The following TBC1D24 variants were observed in gnomAD, a reference collection of about 807,000 sequenced individuals.
TBC1D24 encodes the protein TBC1 domain family member 24.
Under a neutral mutation model 50.7 loss-of-function variants are expected in TBC1D24, and 47 were observed. That is an observed-to-expected ratio of 0.93 (90% CI 0.73 to 1.18). TBC1D24 has a LOEUF of 1.18. Among genes scored for constraint, TBC1D24 ranks in the 50% most tolerant of loss-of-function variants. The pLI is 0.00. For synonymous variants in TBC1D24, 324 were observed against 335.2 expected (o/e 0.97, Z 0.36); for missense variants, 688 against 766.5 (o/e 0.90, Z 1.21).
Position 2,485,243 on chromosome 16 carries a change from G to A in TBC1D24, c.-116+10073G>A, listed in dbSNP as rs2065640164. On this transcript the variant is annotated intron_variant, in intron 1 of 7. Coordinates refer to ENST00000646147, the MANE Select transcript of TBC1D24 (RefSeq NM_001199107.2). This position sits in a 1 kb window ranked among gnomAD's most constrained non-coding sequence, Gnocchi z 4.6. The stretch of plus-strand genomic sequence containing the variant: ...CACTGGAAAGACCAAGGCAGGATTA[G>A]CGGGTTAGAACTTTCAGCCCCACCC... The A allele has an allele frequency of 6.6e-6, 1 of 152,194 alleles. No homozygotes were observed. The highest frequency in any genetic ancestry group is 2.4e-5 in the African/African-American group (1 of 41,416). 9.4% of individuals were successfully genotyped at this position (152,194 alleles called of 1,614,324 possible).
chr16:2,500,869 G>A lies in TBC1D24; in HGVS notation c.1591G>A (p.Asp531Asn), dbSNP rs757236821. 34 of 1,612,662 alleles carry A rather than the reference G, an allele frequency of 2.1e-5. No homozygotes were observed. Among genetic ancestry groups the A allele is most frequent in the East Asian group, 1.6e-4 (7 of 44,890 alleles). The change falls in exon 8 of 8, where the codon GAC becomes AAC. Residue 531 changes from aspartate (D) to asparagine (N), a missense_variant. Coordinates refer to ENST00000646147, the MANE Select transcript of TBC1D24 (RefSeq NM_001199107.2). This position sits in a 1 kb window ranked among gnomAD's most constrained non-coding sequence, Gnocchi z 8.0. ...GAACCGGGGCCGCACAAGCCACTGC[G>A]ACACCTTCAACAACCAGCCCCTCTG... ...DLNRGRTSHC[D>N]TFNNQPLCSE...
chr16:2,499,164 G>C lies in TBC1D24; in HGVS notation c.1143-193G>C, dbSNP rs1334724535. Among the ~76,000 whole-genome samples the C allele has an allele frequency of 6.6e-6, 1 of 152,190 alleles. No individual in the cohort carries two copies. On this transcript the variant is annotated intron_variant, in intron 4 of 7. Transcript: ENST00000646147. The surrounding 1 kb of genome is among the most constrained non-coding windows in gnomAD (Gnocchi z 4.0). ...AGGCCTCTCCCCTGAGTCACACCAG[G>C]GCAGGCTGTCCTGGGGATGGCAGAG...
intron 1 of TBC1D24, among the ~76,000 whole-genome samples, chr16:2,493,246 C>A (rs1417635207): frequency 1.3e-5 from 2 of 151,934 alleles, no homozygotes; most frequent in Non-Finnish European, 2.9e-5. Flanking sequence ...TCACGTCATT[C>A]TCCTGCCTCA....
Position 2,499,706 on chromosome 16 carries a change from G to A in TBC1D24, c.1207-129G>A, listed in dbSNP as rs1035589087. 16 of 871,042 alleles carry A rather than the reference G, an allele frequency of 1.8e-5. No homozygotes were observed. Among genetic ancestry groups the A allele is most frequent in the African/African-American group, 1.8e-4 (11 of 60,642 alleles). The allele number at this position is 871,042 out of a possible 1,614,324, so 54.0% of individuals were successfully genotyped here. A position where few individuals can be genotyped will look rare whatever the true frequency, so the allele number is the denominator to read the frequency against. ...GCCTTTCCCACACCACTCCTGCCCT[G>A]GGGTGGGGGTGGGAGACGGCAATGC... On this transcript the variant is annotated intron_variant, in intron 5 of 7. Coordinates refer to ENST00000646147, the MANE Select transcript of TBC1D24 (RefSeq NM_001199107.2). The surrounding 1 kb of genome is among the most constrained non-coding windows in gnomAD (Gnocchi z 4.0).
rs4786286 is a variant in TBC1D24 at position 2,502,533 on chromosome 16, C to T, written c.*1575C>T. On this transcript the variant is annotated 3_prime_UTR_variant, in exon 8 of 8. Coordinates refer to ENST00000646147, the MANE Select transcript of TBC1D24 (RefSeq NM_001199107.2). ...GGCTTTAGCCTCCCCTGACCATCTG[C>T]TCATGTAGCCTCTGACTGGGCGCAC... 0.024 allele frequency: 3,596 copies of T among 152,700 alleles called. 100 individuals carry two copies. The highest frequency in any genetic ancestry group is 0.08 in the Admixed American group (1,225 of 15,302). The allele number at this position is 152,700 out of a possible 1,614,324, so 9.5% of individuals were successfully genotyped here. A position where few individuals can be genotyped will look rare whatever the true frequency, so the allele number is the denominator to read the frequency against.
Position 2,496,039 on chromosome 16 carries a change from G to A in TBC1D24, c.-110G>A. 1 of 1,399,762 alleles carries A rather than the reference G, an allele frequency of 7.1e-7. No homozygotes were observed. The highest frequency in any genetic ancestry group is 9.9e-7 in the Non-Finnish European group (1 of 1,007,622). The allele number at this position is 1,399,762 out of a possible 1,614,324, so 86.7% of individuals were successfully genotyped here. On this transcript the variant is annotated 5_prime_UTR_variant, in exon 2 of 8. Transcript: ENST00000646147. ...GTGTTTTTTTAATCCTGCAGGGTGT[G>A]AGATGGCAGACAGGTTTGCAGGAAA...
chr16:2,499,723 C>CA lies in TBC1D24; in HGVS notation c.1207-112_1207-111insA. 1 of 962,878 alleles carries CA rather than the reference C, an allele frequency of 1.0e-6. No individual in the cohort carries two copies. The highest frequency in any genetic ancestry group is 1.7e-6 in the Non-Finnish European group (1 of 588,552). The allele number at this position is 962,878 out of a possible 1,614,324, so 59.6% of individuals were successfully genotyped here. A position where few individuals can be genotyped will look rare whatever the true frequency, so the allele number is the denominator to read the frequency against. ...CCTGCCCTGGGGTGGGGGTGGGAGA[C>CA]GGCAATGCCTGCACCCCCACCTGTG... On this transcript the variant is annotated intron_variant, in intron 5 of 7. Coordinates refer to ENST00000646147, the MANE Select transcript of TBC1D24 (RefSeq NM_001199107.2). The surrounding 1 kb of genome is among the most constrained non-coding windows in gnomAD (Gnocchi z 4.0).
In TBC1D24 at chr16:2,505,343, C is replaced by T. The variant is rs1451381161; in HGVS notation, c.*4385C>T. 1 of 152,216 alleles carries T rather than the reference C, an allele frequency of 6.6e-6. No individual in the cohort carries two copies. The highest frequency in any genetic ancestry group is 6.5e-5 in the Admixed American group (1 of 15,282). The allele number at this position is 152,216 out of a possible 1,614,324, so 9.4% of individuals were successfully genotyped here. On this transcript the variant is annotated 3_prime_UTR_variant, in exon 8 of 8. Transcript: ENST00000646147. ...CATTTTACCAAACTATGGAATTTGT[C>T]AACACCTTTTCTTGGGACCAAGGAA...
At position 2,485,805 on chromosome 16, in the gene TBC1D24, G is replaced by A. The variant is rs2065644920; in HGVS notation, c.-115-10229G>A. ...GGTCGCAGATCCTGTGCCGATTGCG[G>A]TGCTGGCGTCAGAGCAGAGGAAAAC... On this transcript the variant is annotated intron_variant, in intron 1 of 7. Transcript: ENST00000646147. The surrounding 1 kb of genome is among the most constrained non-coding windows in gnomAD (Gnocchi z 4.6). Among the ~76,000 whole-genome samples, 1 of 152,244 alleles carries A rather than the reference G, an allele frequency of 6.6e-6. No homozygotes were observed. The highest frequency in any genetic ancestry group is 6.5e-5 in the Admixed American group (1 of 15,288).
In TBC1D24 at chr16:2,482,867, G is replaced by A. The variant is rs2065620161; in HGVS notation, c.-116+7697G>A. 1 of 153,808 alleles carries A rather than the reference G, an allele frequency of 6.5e-6. No individual in the cohort carries two copies. The highest frequency in any genetic ancestry group is 1.4e-5 in the Non-Finnish European group (1 of 69,064). 9.5% of individuals were successfully genotyped at this position (153,808 alleles called of 1,614,324 possible). On this transcript the variant is annotated intron_variant, in intron 1 of 7. Transcript: ENST00000646147. The surrounding 1 kb of genome is among the most constrained non-coding windows in gnomAD (Gnocchi z 5.2). ...CCTGGCAGGGAGGCAGGCGGGATGA[G>A]GCCCAAGGCAGCTGGGAGATCTGGC...
Position 2,487,896 on chromosome 16 carries a change from G to A in TBC1D24, c.-115-8138G>A, listed in dbSNP as rs1280088829. ...GGAGCCTCTCTCGGAGGTCCTCGCT[G>A]TCCCAGGATGAAGGGAGATGGAGCA... On this transcript the variant is annotated intron_variant, in intron 1 of 7. Transcript: ENST00000646147. The surrounding 1 kb of genome is among the most constrained non-coding windows in gnomAD (Gnocchi z 4.1). 6.6e-6 allele frequency among the ~76,000 whole-genome samples: 1 copy of A among 152,178 alleles called. No homozygotes were observed. The highest frequency in any genetic ancestry group is 6.5e-5 in the Admixed American group (1 of 15,274).
At position 2,500,784 on chromosome 16, in the gene TBC1D24, C is replaced by T. The variant is rs114367256; in HGVS notation, c.1526-20C>T. On this transcript the variant is annotated intron_variant, in intron 7 of 7. Coordinates refer to ENST00000646147, the MANE Select transcript of TBC1D24 (RefSeq NM_001199107.2). The surrounding 1 kb of genome is among the most constrained non-coding windows in gnomAD (Gnocchi z 8.0). The stretch of plus-strand genomic sequence containing the variant: ...TGCTGATAGGGCAGTCAGGCCGCCA[C>T]TGACCTGAGCATCCTGCAGGGGGAG... 5,172 of 1,597,536 alleles carry T rather than the reference C, an allele frequency of 3.2e-3. 138 individuals carry two copies. The African/African-American group carries it at 0.057, about 18-fold the overall frequency.
chr16:2,491,983 T>C (rs1567409023), intron 1 of TBC1D24, among the ~76,000 whole-genome samples: 1 of 151,980 alleles, frequency 6.6e-6, no homozygotes, highest in African/African-American at 2.4e-5. Flanking sequence ...GGATTACAGG[T>C]GCATGCCACC....
intron 1 of TBC1D24, among the ~76,000 whole-genome samples, chr16:2,490,802 C>T (rs1011407499): frequency 2.0e-5 from 3 of 152,236 alleles, no homozygotes; most frequent in Non-Finnish European, 4.4e-5. Context: ...AAAGCTGCCC[C>T]GTTTCCACAG....
At chr16:2,489,812 G>A (rs978779365) in intron 1 of TBC1D24, among the ~76,000 whole-genome samples, 3 of 152,230 alleles carry the variant, frequency 2.0e-5, no homozygotes, top group Admixed American at 6.5e-5. Flanking sequence ...GCAGCTGAGC[G>A]GTCCTGGCCG....
chr16:2,488,234 C>A (rs1251886646), intron 1 of TBC1D24, among the ~76,000 whole-genome samples: 1 of 152,134 alleles, frequency 6.6e-6, no homozygotes. Flanking sequence ...GGAGTGAGGA[C>A]ATAGGCTGCT....
At position 2,501,068 on chromosome 16, in the gene TBC1D24, G is replaced by A; in HGVS notation, c.*110G>A. The A allele has an allele frequency of 7.1e-7, 1 of 1,416,982 alleles. No individual in the cohort carries two copies. The highest frequency in any genetic ancestry group is 9.6e-7 in the Non-Finnish European group (1 of 1,040,208). 87.8% of individuals were successfully genotyped at this position (1,416,982 alleles called of 1,614,324 possible). On this transcript the variant is annotated 3_prime_UTR_variant, in exon 8 of 8. Transcript: ENST00000646147. Reference sequence around the variant, plus strand: ...CCCCCATGTGGTAGGCAGGGTTGGGGGACGGCAGGACCCCATGGCCAAGCC... The same window carrying A: ...CCCCCATGTGGTAGGCAGGGTTGGGAGACGGCAGGACCCCATGGCCAAGCC...
Position 2,475,708 on chromosome 16 carries a change from G to T in TBC1D24, c.-116+538G>T, listed in dbSNP as rs1771141599. ...TCCAGTGGGGGGCCCCTCTGGGTGC[G>T]CCGTGCCAGGCGGCCGCTGTCCTTC... On this transcript the variant is annotated intron_variant, in intron 1 of 7. Coordinates refer to ENST00000646147, the MANE Select transcript of TBC1D24 (RefSeq NM_001199107.2). This position sits in a 1 kb window ranked among gnomAD's most constrained non-coding sequence, Gnocchi z 4.2. Among the ~76,000 whole-genome samples the T allele has an allele frequency of 6.6e-6, 1 of 151,988 alleles. No homozygotes were observed.
At position 2,503,642 on chromosome 16, in the gene TBC1D24, G is replaced by C. The variant is rs1307731558; in HGVS notation, c.*2684G>C. 6.6e-6 allele frequency: 1 copy of C among 150,952 alleles called. No homozygotes were observed. Among genetic ancestry groups the C allele is most frequent in the East Asian group, 2.0e-4 (1 of 5,122 alleles). The allele number at this position is 150,952 out of a possible 1,614,324, so 9.4% of individuals were successfully genotyped here. A position where few individuals can be genotyped will look rare whatever the true frequency, so the allele number is the denominator to read the frequency against. ...ATGATCTTGGCTCACTGCAACCTCC[G>C]CCTCCTGGGTTCAAGCGATTCTCCT... On this transcript the variant is annotated 3_prime_UTR_variant, in exon 8 of 8. Coordinates refer to ENST00000646147, the MANE Select transcript of TBC1D24 (RefSeq NM_001199107.2).
Sources: gnomAD v4.1 joint callset for allele counts (sites outside exome capture counted in the v4.1 genomes callset) on GRCh38, gnomAD v4.1.1 for gene constraint, Gnocchi (gnomAD v3.1) non-coding constraint, MANE v1.5 for transcripts, NCBI Gene and HGNC (gene_info 2026-07-23, HGNC 2026-07-21) for gene names.